Variants in ZNF600 observed in about 807,000 individuals in gnomAD.
ZNF600 encodes the protein zinc finger protein KR-ZNF1.
ZNF600 carries 4 observed loss-of-function variants against 7.3 expected under a neutral mutation model. The observed-to-expected ratio is 0.55, with a 90% CI of 0.27 to 1.25. The LOEUF (loss-of-function observed/expected upper bound fraction) is 1.25. ZNF600 is among the 50% of genes most tolerant of loss of function. The probability of loss-of-function intolerance (pLI) is 0.12; values close to 1 mark genes in which losing one functional copy is unlikely to be tolerated. For missense variants in ZNF600, 911 were observed against 922.1 expected, an observed-to-expected ratio of 0.99 and a Z score of 0.16; for synonymous variants, 290 against 308.9, an observed-to-expected ratio of 0.94 and a Z score of 0.64.
chr19:52,778,713 TGA>T (rs1352213897), intron 2 of ZNF600, 111 bp downstream of exon 4: 354 of 1,399,890 alleles, frequency 2.5e-4, no homozygotes, highest in Non-Finnish European at 3.2e-4. Context: ...TGGCTGAGTG[TGA>T]GTGAACGTGT....
chr19:52,785,473 T>C (rs1456134946), intron 1 of ZNF600, among the ~76,000 whole-genome samples: 2 of 152,040 alleles, frequency 1.3e-5, no homozygotes, highest in African/African-American at 4.8e-5. Context: ...GGTCTCGAAC[T>C]CCGGACCTCA....
At chr19:52,809,912 CG>C in the ZNF600 span, 81 of 836,388 alleles carry the variant, frequency 9.7e-5, no homozygotes, top group Non-Finnish European at 1.3e-4. Context: ...ATCTTGTGCC[CG>C]GGGCCGGTGG....
At chr19:52,825,200 C>T in the ZNF600 span, among the ~76,000 whole-genome samples, 1 of 152,036 alleles carries the variant, frequency 6.6e-6, no homozygotes, top group South Asian at 2.1e-4. Flanking sequence ...ATACATGTAG[C>T]GAAGTCAGCA....
the ZNF600 span, chr19:52,801,468 T>C: frequency 1.9e-6 from 3 of 1,614,102 alleles, no homozygotes; most frequent in African/African-American, 1.3e-5. Flanking sequence ...CCTTTGATCA[T>C]GTTGGCCTGT....
At chr19:52,828,481 GA>G in the ZNF600 span, among the ~76,000 whole-genome samples, 84 of 152,202 alleles carry the variant, frequency 5.5e-4, no homozygotes, top group African/African-American at 2.0e-3. Flanking sequence ...AAGAAAAGAA[GA>G]AATGACTAAC....
chr19:52,828,423 T>A, the ZNF600 span, among the ~76,000 whole-genome samples: 3 of 152,062 alleles, frequency 2.0e-5, no homozygotes, highest in African/African-American at 4.8e-5. Context: ...GCCGAGATCA[T>A]GCAATTGCAC....
At chr19:52,813,764 C>A in the ZNF600 span, among the ~76,000 whole-genome samples, 4,985 of 146,688 alleles carry the variant, frequency 0.034, 472 homozygotes, top group Middle Eastern at 0.066. Flanking sequence ...AGCAGCTCCA[C>A]TGTAAATTCC....
chr19:52,827,899 T>G, the ZNF600 span, among the ~76,000 whole-genome samples: 1 of 151,916 alleles, frequency 6.6e-6, no homozygotes, highest in African/African-American at 2.4e-5. Context: ...CATGGGTGAG[T>G]GCGAGCAAAC....
chr19:52,824,805 C>A, the ZNF600 span, among the ~76,000 whole-genome samples: 4 of 152,014 alleles, frequency 2.6e-5, no homozygotes, highest in Non-Finnish European at 5.9e-5. Flanking sequence ...AGAACATAAC[C>A]AGATATACAA....
chr19:52,789,147 A>C (rs2062785432), upstream of ZNF600, among the ~76,000 whole-genome samples: 1 of 152,212 alleles, frequency 6.6e-6, no homozygotes, highest in Admixed American at 6.5e-5. Context: ...TGTCAGAACA[A>C]AGACTTAGGG....
chr19:52,806,326 T>G, the ZNF600 span, among the ~76,000 whole-genome samples: 2 of 152,036 alleles, frequency 1.3e-5, no homozygotes, highest in African/African-American at 4.8e-5. Context: ...CCTGAGTAGC[T>G]TGGATTACAG....
chr19:52,785,661 C>A (rs979788752), intron 1 of ZNF600, among the ~76,000 whole-genome samples: 1 of 152,078 alleles, frequency 6.6e-6, no homozygotes, highest in Non-Finnish European at 1.5e-5. Flanking sequence ...CTATTAAATT[C>A]TCTCTTCCCT....
rs759767561 is a variant in ZNF600 at position 52,766,832 on chromosome 19, G to A, written c.1131C>T (p.Asp377=). ...GGGTTGATTTCCGACTGAAAACTTTGTCACATTCTTCACATTTGTAAGGTT... is the reference window on the plus strand; with the variant it reads ...GGGTTGATTTCCGACTGAAAACTTTATCACATTCTTCACATTTGTAAGGTT... The change falls in exon 4 of 4, where the codon GAC becomes GAT. Residue 377 remains aspartate (D), a synonymous_variant. Coordinates refer to ENST00000648973, the Ensembl canonical transcript of ZNF600. 1.5e-5 allele frequency: 25 copies of A among 1,613,878 alleles called. No individual in the cohort carries two copies. In the South Asian group the frequency reaches 2.6e-4, roughly 17 times the overall value.
chr19:52,826,199 T>C, the ZNF600 span, among the ~76,000 whole-genome samples: 1 of 151,786 alleles, frequency 6.6e-6, no homozygotes, highest in Non-Finnish European at 1.5e-5. Context: ...ATTTCTTGTT[T>C]TAAAAGCAAT....
chr19:52,765,679 G>T (rs773155123), exon 4 of ZNF600: 25 of 1,613,912 alleles, frequency 1.5e-5, no homozygotes, highest in Non-Finnish European at 2.1e-5. Context: ...CACTTGTAAG[G>T]TTTCTCTCCA....
the ZNF600 span, chr19:52,818,004 AC>A: frequency 6.2e-7 from 1 of 1,609,798 alleles, no homozygotes; most frequent in South Asian, 1.1e-5. Context: ...TTTCTTCCTC[AC>A]GTACCAAGAT....
At chr19:52,796,704 A>G in the ZNF600 span, among the ~76,000 whole-genome samples, 3 of 152,210 alleles carry the variant, frequency 2.0e-5, no homozygotes, top group Non-Finnish European at 4.4e-5. Context: ...CGGGGCTCAC[A>G]TGACCCAGCT....
chr19:52,774,435 A>G, intron 3 of ZNF600, 140 bp downstream of exon 5: 1 of 919,884 alleles, frequency 1.1e-6, no homozygotes, highest in Non-Finnish European at 1.3e-6. Flanking sequence ...ATCTCAAACA[A>G]AAAAACAAAA....
chr19:52,794,513 T>C, the ZNF600 span, among the ~76,000 whole-genome samples: 63,395 of 151,900 alleles, frequency 0.42, 15,097 homozygotes, highest in Non-Finnish European at 0.56. Context: ...GATTCCCACG[T>C]GATGGTCTGG....
Sources: gnomAD v4.1 joint callset for allele counts (sites outside exome capture counted in the v4.1 genomes callset) on GRCh38, gnomAD v4.1.1 for gene constraint, MANE v1.5 for transcripts, NCBI Gene and HGNC (gene_info 2026-07-23, HGNC 2026-07-21) for gene names.